USP34: variants seen among roughly 807,000 people sequenced by gnomAD.
USP34 encodes ubiquitin specific peptidase 34.
Under a neutral mutation model 460.3 loss-of-function variants are expected in USP34, and 70 were observed. That is an observed-to-expected ratio of 0.15 (90% confidence interval 0.13 to 0.19). The LOEUF (loss-of-function observed/expected upper bound fraction) is 0.19, where lower values mean the gene tolerates loss of function less well. USP34 is among the 10% of genes least tolerant of loss of function. The pLI is 1.00. For missense variants in USP34, 3,985 were observed against 4,236.2 expected (o/e 0.94, Z 1.65); for synonymous variants, 1,647 against 1,405.3 (o/e 1.17, Z -3.85).
intron 5 of USP34, among the ~76,000 whole-genome samples, chr2:61,390,990 G>C (rs1202239046): frequency 1.3e-5 from 2 of 151,988 alleles, no homozygotes; most frequent in Non-Finnish European, 2.9e-5. Flanking sequence ...AGCTACTCGG[G>C]AAGCTAAGGC....
intron 1 of USP34, among the ~76,000 whole-genome samples, chr2:61,457,456 C>A (rs1316156969): frequency 6.6e-6 from 1 of 152,206 alleles, no homozygotes; most frequent in Admixed American, 6.5e-5. Context: ...TAAAGAAAAA[C>A]TCTGTTTCTG....
rs1181261350 is a variant in USP34 at position 61,190,499 on chromosome 2, T to C, written c.9729+19A>G. Reference sequence around the variant, plus strand: ...AACTAATTAGAAATGACACACTGAGTTTCCAAAGTACTACGTACCTTTAGA... The same window carrying C: ...AACTAATTAGAAATGACACACTGAGCTTCCAAAGTACTACGTACCTTTAGA... On this transcript the variant is annotated intron_variant, in intron 77 of 79. Coordinates refer to ENST00000398571, the MANE Select transcript of USP34 (RefSeq NM_014709.4). 1.2e-5 allele frequency: 19 copies of C among 1,608,778 alleles called. No individual in the cohort carries two copies. The highest frequency in any genetic ancestry group is 1.6e-5 in the Non-Finnish European group (19 of 1,177,576).
chr2:61,357,049 C>G (rs377435349), intron 10 of USP34, among the ~76,000 whole-genome samples: 8 of 152,014 alleles, frequency 5.3e-5, no homozygotes, highest in South Asian at 2.1e-4. Context: ...AGAGAATAAT[C>G]ATAAACAAGG....
At chr2:61,207,623 T>C (rs1687156868) in intron 70 of USP34, 1 of 152,164 alleles carries the variant, frequency 6.6e-6, no homozygotes, top group African/African-American at 2.4e-5. Context: ...CCCTAGTACC[T>C]ACCACAGTGC....
intron 64 of USP34, 136 bp downstream of exon 64, chr2:61,222,924 T>G: frequency 1.2e-6 from 1 of 804,682 alleles, no homozygotes; most frequent in Non-Finnish European, 1.9e-6. Flanking sequence ...CTCAAACTCC[T>G]AGGCTCAAGC....
Position 61,343,950 on chromosome 2 carries a change from T to A in USP34, c.2365A>T (p.Met789Leu). 1 of 1,613,972 alleles carries A rather than the reference T, an allele frequency of 6.2e-7. No individual in the cohort carries two copies. The highest frequency in any genetic ancestry group is 8.5e-7 in the Non-Finnish European group (1 of 1,179,926). The change falls in exon 16 of 80, where the codon ATG becomes TTG. Residue 789 changes from methionine (M) to leucine (L), a missense_variant. Met to Leu is a conservative substitution (Grantham distance 15). Coordinates refer to ENST00000398571, the MANE Select transcript of USP34 (RefSeq NM_014709.4). ...SQVSAKSEKN[M>L]ADFDGEESGC... ...GATTCTTCACCATCAAAATCAGCCATATTTTTTTCTGATTTTGCACTAACC... is the reference window on the plus strand; with the variant it reads ...GATTCTTCACCATCAAAATCAGCCAAATTTTTTTCTGATTTTGCACTAACC...
At chr2:61,366,564 T>C (rs960241046) in intron 10 of USP34, among the ~76,000 whole-genome samples, 10 of 152,206 alleles carry the variant, frequency 6.6e-5, no homozygotes, top group Admixed American at 4.6e-4. Flanking sequence ...CCACTGTACA[T>C]TCTCTCATTT....
intron 27 of USP34, among the ~76,000 whole-genome samples, chr2:61,310,995 A>C (rs114310150): frequency 6.6e-6 from 1 of 152,196 alleles, no homozygotes; most frequent in African/African-American, 2.4e-5. Context: ...AACTCTCAGC[A>C]TCTTCTTACC....
rs566405378 is a variant in USP34 at position 61,262,987 on chromosome 2, G to A, written c.5778+2410C>T. On this transcript the variant is annotated intron_variant, in intron 43 of 79. Coordinates refer to ENST00000398571, the MANE Select transcript of USP34 (RefSeq NM_014709.4). Reference sequence around the variant, plus strand: ...ATTGGCCGCATGTATGTCTCCTTTTGAAAAGTGTCTGTTCATGTCCTTTGT... The same window carrying A: ...ATTGGCCGCATGTATGTCTCCTTTTAAAAAGTGTCTGTTCATGTCCTTTGT... 4.6e-5 allele frequency among the ~76,000 whole-genome samples: 7 copies of A among 151,708 alleles called. 1 individual carries two copies. Among genetic ancestry groups the A allele is most frequent in the South Asian group, 4.2e-4 (2 of 4,786 alleles).
intron 1 of USP34, among the ~76,000 whole-genome samples, chr2:61,431,049 C>A (rs919213319): frequency 6.6e-6 from 1 of 151,494 alleles, no homozygotes; most frequent in East Asian, 1.9e-4. Context: ...TGAAATGAAA[C>A]GAAAACTAAA....
intron 7 of USP34, 77 bp downstream of exon 7, chr2:61,380,092 C>T: frequency 1.5e-6 from 2 of 1,295,194 alleles, no homozygotes; most frequent in East Asian, 4.8e-5. Context: ...ATGAAGTGCT[C>T]CATAAATAGT....
intron 18 of USP34, among the ~76,000 whole-genome samples, chr2:61,336,095 T>G (rs190003315): frequency 6.6e-6 from 1 of 152,002 alleles, no homozygotes; most frequent in Non-Finnish European, 1.5e-5. Context: ...ATATATAATA[T>G]AGTCTCTAGG....
chr2:61,388,240 T>C (rs1693227921), intron 5 of USP34, among the ~76,000 whole-genome samples: 1 of 151,866 alleles, frequency 6.6e-6, no homozygotes, highest in South Asian at 2.1e-4. Flanking sequence ...TAAGACACTG[T>C]CTCAAAAAAT....
At chr2:61,281,649 T>C (rs1429359882) in intron 37 of USP34, among the ~76,000 whole-genome samples, 1 of 152,164 alleles carries the variant, frequency 6.6e-6, no homozygotes, top group Non-Finnish European at 1.5e-5. Flanking sequence ...CCCATACATA[T>C]ATATATGTAA....
At chr2:61,404,188 G>A (rs1329360582) in intron 3 of USP34, among the ~76,000 whole-genome samples, 1 of 151,716 alleles carries the variant, frequency 6.6e-6, no homozygotes, top group Non-Finnish European at 1.5e-5. Flanking sequence ...AAATATCCCA[G>A]TAAAGGACTA....
At chr2:61,249,491 C>A (rs1404486548) in intron 48 of USP34, among the ~76,000 whole-genome samples, 1 of 152,214 alleles carries the variant, frequency 6.6e-6, no homozygotes, top group African/African-American at 2.4e-5. Flanking sequence ...TATTTTCAGA[C>A]CTTGCCTGTC....
chr2:61,339,841 T>C (rs1691535343), intron 16 of USP34, among the ~76,000 whole-genome samples, 160 bp from the exon 17 acceptor site: 1 of 145,000 alleles, frequency 6.9e-6, no homozygotes, highest in African/African-American at 2.6e-5. Context: ...TTTGTTTTTG[T>C]TTTTTTTTTA....
intron 41 of USP34, among the ~76,000 whole-genome samples, chr2:61,271,603 GGAA>G: frequency 6.6e-6 from 1 of 151,234 alleles, no homozygotes; most frequent in East Asian, 1.9e-4. Context: ...GAGGAAAAAA[GGAA>G]GAAAAAGGAA....
intron 12 of USP34, among the ~76,000 whole-genome samples, chr2:61,349,885 G>A (rs1378542537): frequency 6.6e-6 from 1 of 151,560 alleles, no homozygotes; most frequent in East Asian, 1.9e-4. Context: ...ACCCCACAAA[G>A]CACCTGACAT....
Sources: allele counts gnomAD v4.1 joint callset (sites outside exome capture counted in the v4.1 genomes callset), GRCh38; gene constraint gnomAD v4.1.1; transcripts MANE v1.5; gene names NCBI Gene and HGNC (gene_info 2026-07-23, HGNC 2026-07-21).